Variants in ARB2A observed in about 807,000 individuals in gnomAD.
ARB2A encodes the protein ARB2 cotranscriptional regulator A.
the ARB2A span, among the ~76,000 whole-genome samples, chr5:94,081,912 C>T: frequency 6.6e-6 from 1 of 152,156 alleles, no homozygotes; most frequent in East Asian, 1.9e-4. Context: ...TTTCCCTTTA[C>T]GTTCTATAAA....
the ARB2A span, among the ~76,000 whole-genome samples, chr5:93,849,161 C>A: frequency 6.6e-6 from 1 of 151,866 alleles, no homozygotes; most frequent in Non-Finnish European, 1.5e-5. Flanking sequence ...ATTGGGAGCA[C>A]GTCGTAGCTC....
the ARB2A span, among the ~76,000 whole-genome samples, chr5:93,785,468 A>C: frequency 6.6e-6 from 1 of 152,190 alleles, no homozygotes; most frequent in Non-Finnish European, 1.5e-5. Context: ...TCAAAAATAT[A>C]ATAGTGCACT....
the ARB2A span, among the ~76,000 whole-genome samples, chr5:94,006,231 C>T: frequency 1.3e-5 from 2 of 152,194 alleles, no homozygotes; most frequent in Non-Finnish European, 2.9e-5. Context: ...GAACATGAAA[C>T]ATCCTGGATG....
At chr5:93,722,701 A>C in the ARB2A span, among the ~76,000 whole-genome samples, 1 of 152,112 alleles carries the variant, frequency 6.6e-6, no homozygotes, top group Non-Finnish European at 1.5e-5. Context: ...TACTAGAAGA[A>C]AGGGGTTAAC....
chr5:94,096,504 C>T, the ARB2A span, among the ~76,000 whole-genome samples: 1 of 152,102 alleles, frequency 6.6e-6, no homozygotes, highest in Non-Finnish European at 1.5e-5. Context: ...TCCCAAGTAG[C>T]TAGTAGTTAC....
chr5:93,768,556 C>T, the ARB2A span, among the ~76,000 whole-genome samples: 6 of 150,640 alleles, frequency 4.0e-5, no homozygotes, highest in Non-Finnish European at 7.4e-5. Flanking sequence ...TACATTTATA[C>T]ACTATATATA....
the ARB2A span, among the ~76,000 whole-genome samples, chr5:93,858,898 T>C: frequency 1.3e-5 from 2 of 152,140 alleles, no homozygotes; most frequent in East Asian, 3.8e-4. Context: ...GGAAAAGACT[T>C]GTTGGTAGTG....
At chr5:94,011,091 T>C in the ARB2A span, among the ~76,000 whole-genome samples, 1 of 152,314 alleles carries the variant, frequency 6.6e-6, no homozygotes, top group South Asian at 2.1e-4. Context: ...CATCTCCATG[T>C]GACTAAATCT....
chr5:94,053,112 G>GATAA, the ARB2A span: 2 of 1,422,816 alleles, frequency 1.4e-6, no homozygotes, highest in East Asian at 2.4e-5. Context: ...TAGATAGATA[G>GATAA]ATAACCCACT....
chr5:93,712,794 G>A, the ARB2A span, among the ~76,000 whole-genome samples: 1 of 152,108 alleles, frequency 6.6e-6, no homozygotes, highest in Non-Finnish European at 1.5e-5. Flanking sequence ...CACATTACCT[G>A]ACTTCAAATT....
chr5:93,804,207 C>A, the ARB2A span, among the ~76,000 whole-genome samples: 1 of 151,856 alleles, frequency 6.6e-6, no homozygotes, highest in Non-Finnish European at 1.5e-5. Flanking sequence ...GTGTTCTTAA[C>A]AGACACAAAT....
At chr5:93,797,389 T>A in the ARB2A span, among the ~76,000 whole-genome samples, 4 of 152,246 alleles carry the variant, frequency 2.6e-5, no homozygotes, top group Admixed American at 2.0e-4. Flanking sequence ...ATTTCATGAG[T>A]ATGAAATAAT....
chr5:94,068,826 G>A, the ARB2A span, among the ~76,000 whole-genome samples: 1 of 146,020 alleles, frequency 6.8e-6, no homozygotes, highest in Non-Finnish European at 1.5e-5. Context: ...CAACCAGCCT[G>A]GCATACATGG....
the ARB2A span, among the ~76,000 whole-genome samples, chr5:93,647,652 T>A: frequency 6.6e-6 from 1 of 152,080 alleles, no homozygotes; most frequent in Admixed American, 6.5e-5. Context: ...GCTTCCCTAG[T>A]AGCTGGGACT....
the ARB2A span, chr5:93,861,303 T>C: frequency 6.7e-5 from 6 of 89,654 alleles, no homozygotes; most frequent in African/African-American, 2.6e-4. Flanking sequence ...TTCTACTCTT[T>C]TTTTCTTTTT....
At chr5:93,895,323 T>C in the ARB2A span, among the ~76,000 whole-genome samples, 3 of 152,160 alleles carry the variant, frequency 2.0e-5, no homozygotes, top group Admixed American at 2.0e-4. Context: ...TGGATATCAA[T>C]AGAAGGGTAA....
chr5:94,081,499 T>G, the ARB2A span, among the ~76,000 whole-genome samples: 1 of 152,210 alleles, frequency 6.6e-6, no homozygotes, highest in Non-Finnish European at 1.5e-5. Context: ...AGGATATTAT[T>G]CTTTAATAGA....
chr5:93,632,445 G>A, the ARB2A span, among the ~76,000 whole-genome samples: 2 of 152,174 alleles, frequency 1.3e-5, no homozygotes, highest in African/African-American at 4.8e-5. Flanking sequence ...TGGTGTGTGA[G>A]GGGAAAGTGG....
chr5:93,843,945 C>T, the ARB2A span, among the ~76,000 whole-genome samples: 3 of 151,620 alleles, frequency 2.0e-5, no homozygotes, highest in Non-Finnish European at 2.9e-5. Context: ...GACTAAAGTA[C>T]CCAGTATAAT....
Sources: gnomAD v4.1 joint callset for allele counts (sites outside exome capture counted in the v4.1 genomes callset) on GRCh38, gnomAD v4.1.1 for gene constraint, MANE v1.5 for transcripts, NCBI Gene and HGNC (gene_info 2026-07-23, HGNC 2026-07-21) for gene names.